MCTP1: variants seen among roughly 807,000 people sequenced by gnomAD.
MCTP1 encodes the protein multiple C2 and transmembrane domain-containing protein 1.
MCTP1 carries 69 observed loss-of-function variants against 120.6 expected under a neutral mutation model. The observed-to-expected ratio is 0.57, with a 90% CI of 0.47 to 0.70. MCTP1 has a LOEUF of 0.70. MCTP1 is among the 30% of genes least tolerant of loss of function. The probability of loss-of-function intolerance (pLI) is 0.00; values close to 1 mark genes in which losing one functional copy is unlikely to be tolerated. For synonymous variants in MCTP1, 529 were observed against 493.1 expected, an observed-to-expected ratio of 1.07 and a Z score of -0.96; for missense variants, 1,203 against 1,248.8, an observed-to-expected ratio of 0.96 and a Z score of 0.55.
rs56686748 is a variant in MCTP1, at chr5:94,824,531, C to G, written c.2437-25399G>C. The stretch of plus-strand genomic sequence containing the variant: ...TTGTGTCTCTGCCAGGTTTTGGTAT[C>G]AGGATGATGCTGGCCTCATAAAATG... On this transcript the variant is annotated intron_variant, in intron 17 of 22. Coordinates refer to ENST00000515393, the MANE Select transcript of MCTP1 (RefSeq NM_024717.7). Among the ~76,000 whole-genome samples the G allele has an allele frequency of 1.6e-3, 250 of 152,280 alleles. 2 individuals carry two copies. In the East Asian group the frequency reaches 0.042, roughly 26 times the overall value.
chr5:94,750,283 T>C lies in MCTP1; in HGVS notation c.2610+28827A>G, dbSNP rs1190077999. On this transcript the variant is annotated intron_variant, in intron 19 of 22. Transcript: ENST00000515393. ...TCTGCACTTTGCTTTTGTCATGTTA[T>C]TGACGTACAGGGGGAAGCATTATTT... is the stretch of plus-strand genomic sequence containing the variant. Among the ~76,000 whole-genome samples, 4 of 152,228 alleles carry C rather than the reference T, an allele frequency of 2.6e-5. No homozygotes were observed. The East Asian group carries it at 7.7e-4, about 29-fold the overall frequency.
intron 1 of MCTP1, among the ~76,000 whole-genome samples, chr5:95,188,566 CTGAG>C (rs1354318479): frequency 6.6e-6 from 1 of 152,134 alleles, no homozygotes; most frequent in Non-Finnish European, 1.5e-5. Flanking sequence ...GGGAAGGATG[CTGAG>C]TGAAAAATGT....
chr5:95,015,577 G>A (rs960383650), intron 2 of MCTP1, among the ~76,000 whole-genome samples: 1 of 152,076 alleles, frequency 6.6e-6, no homozygotes. Context: ...GAAATGAGAA[G>A]ACAACACACA....
chr5:95,000,684 C>T (rs1045855022), intron 2 of MCTP1, among the ~76,000 whole-genome samples: 1 of 151,974 alleles, frequency 6.6e-6, no homozygotes, highest in African/African-American at 2.4e-5. Context: ...TATGACAAGA[C>T]TCAAAAAATT....
At chr5:94,728,121 A>G (rs868840909) in intron 19 of MCTP1, among the ~76,000 whole-genome samples, 1 of 152,246 alleles carries the variant, frequency 6.6e-6, no homozygotes, top group South Asian at 2.1e-4. Context: ...TCAACCTGGA[A>G]GAAAATTCCA....
At chr5:94,922,448 C>T (rs775359306) in intron 7 of MCTP1, among the ~76,000 whole-genome samples, 3 of 151,352 alleles carry the variant, frequency 2.0e-5, no homozygotes, top group Non-Finnish European at 4.4e-5. Flanking sequence ...ACCCAGAACA[C>T]CCCCCAAATT....
intron 1 of MCTP1, among the ~76,000 whole-genome samples, chr5:95,166,997 A>C (rs1042585744): frequency 8.1e-5 from 12 of 147,352 alleles, no homozygotes; most frequent in Non-Finnish European, 1.3e-4. Flanking sequence ...TACATGTGCC[A>C]TGTTGGTGTG....
intron 1 of MCTP1, among the ~76,000 whole-genome samples, chr5:95,019,423 C>T (rs1173621635): frequency 6.6e-6 from 1 of 151,972 alleles, no homozygotes; most frequent in African/African-American, 2.4e-5. Flanking sequence ...TCCTCTTTTC[C>T]TTCCACGCCC....
At chr5:95,158,050 T>A (rs1263482893) in intron 1 of MCTP1, among the ~76,000 whole-genome samples, 2 of 152,210 alleles carry the variant, frequency 1.3e-5, no homozygotes, top group Non-Finnish European at 2.9e-5. Context: ...AAATCATACA[T>A]GATCTCACTA....
intron 1 of MCTP1, among the ~76,000 whole-genome samples, chr5:95,233,452 C>G (rs1336740297): frequency 6.6e-6 from 1 of 152,004 alleles, no homozygotes; most frequent in Non-Finnish European, 1.5e-5. Flanking sequence ...CCTCAGCCTC[C>G]CAAGTAGCTG....
Position 94,994,034 on chromosome 5 carries a change from C to A in MCTP1, c.838+23333G>T, listed in dbSNP as rs566082111. Among the ~76,000 whole-genome samples, 48 of 152,264 alleles carry A rather than the reference C, an allele frequency of 3.2e-4. 1 individual carries two copies. The highest frequency in any genetic ancestry group is 9.1e-4 in the African/African-American group (38 of 41,560). On this transcript the variant is annotated intron_variant, in intron 2 of 22. Transcript: ENST00000515393. ...TCGATTAAGGAACAACACAAGAACA[C>A]GCAAGATTCTGTCCTCCTAAGAGCA...
intron 9 of MCTP1, among the ~76,000 whole-genome samples, chr5:94,912,458 A>AC (rs1808935470): frequency 7.8e-6 from 1 of 128,260 alleles, no homozygotes. Flanking sequence ...AAAAAAAAAA[A>AC]AAAAAAAAGC....
intron 1 of MCTP1, among the ~76,000 whole-genome samples, chr5:95,263,263 C>T (rs998216375): frequency 1.3e-5 from 2 of 152,182 alleles, no homozygotes; most frequent in Non-Finnish European, 2.9e-5. Flanking sequence ...AGGGACAGGA[C>T]GGTGGCAGAG....
At chr5:95,183,271 A>G (rs1748820800) in intron 1 of MCTP1, among the ~76,000 whole-genome samples, 1 of 151,942 alleles carries the variant, frequency 6.6e-6, no homozygotes, top group Admixed American at 6.6e-5. Context: ...ACCTCACACC[A>G]TACAAAGAAT....
intron 1 of MCTP1, among the ~76,000 whole-genome samples, chr5:95,178,011 T>C (rs1748205259): frequency 6.6e-6 from 1 of 152,188 alleles, no homozygotes; most frequent in South Asian, 2.1e-4. Flanking sequence ...CTCTTGACTT[T>C]GGTCAGCATG....
Position 94,796,006 on chromosome 5 carries a change from C to T in MCTP1, c.2556+3007G>A, listed in dbSNP as rs1485101802. 2.6e-5 allele frequency among the ~76,000 whole-genome samples: 4 copies of T among 152,264 alleles called. No homozygotes were observed. In the East Asian group the frequency reaches 7.7e-4, roughly 29 times the overall value. Reference sequence around the variant, plus strand: ...AAAGGTCTCCAAGAAAGGAAAGACTCCTTAAACAATAAACACACAAAGAAA... The same window carrying T: ...AAAGGTCTCCAAGAAAGGAAAGACTTCTTAAACAATAAACACACAAAGAAA... On this transcript the variant is annotated intron_variant, in intron 18 of 22. Transcript: ENST00000515393.
intron 1 of MCTP1, among the ~76,000 whole-genome samples, chr5:95,150,636 A>G (rs1187131152): frequency 6.6e-6 from 1 of 152,244 alleles, no homozygotes; most frequent in Admixed American, 6.5e-5. Flanking sequence ...ATTTTCTAAT[A>G]CTACAAAGGT....
intron 1 of MCTP1, among the ~76,000 whole-genome samples, chr5:95,222,641 G>A (rs1753815336): frequency 6.6e-6 from 1 of 152,202 alleles, no homozygotes; most frequent in South Asian, 2.1e-4. Flanking sequence ...ATCACAAAAT[G>A]TAAAACATTT....
intron 17 of MCTP1, among the ~76,000 whole-genome samples, chr5:94,860,451 A>G (rs1366539269): frequency 6.6e-6 from 1 of 151,778 alleles, no homozygotes; most frequent in Non-Finnish European, 1.5e-5. Flanking sequence ...ATGGGTTTGC[A>G]TAAGAGAGAA....
Sources: gnomAD v4.1 joint callset for allele counts (sites outside exome capture counted in the v4.1 genomes callset) on GRCh38, gnomAD v4.1.1 for gene constraint, MANE v1.5 for transcripts, NCBI Gene and HGNC (gene_info 2026-07-23, HGNC 2026-07-21) for gene names.